The following PDE3B variants were observed in gnomAD, a reference collection of about 807,000 sequenced individuals.
PDE3B encodes phosphodiesterase 3B, also known as cGMP-inhibited 3',5'-cyclic phosphodiesterase 3B.
A neutral mutation model predicts 116.8 loss-of-function variants in PDE3B; 66 were observed. That is an observed-to-expected ratio of 0.56 (90% CI 0.46 to 0.69). The LOEUF (loss-of-function observed/expected upper bound fraction) is 0.69, where lower values mean the gene tolerates loss of function less well. PDE3B is among the 30% of genes least tolerant of loss of function. PDE3B has a pLI of 0.00. For missense variants in PDE3B, 1,384 were observed against 1,368.1 expected (o/e 1.01, Z -0.18); for synonymous variants, 595 against 533.6 (o/e 1.12, Z -1.59).
chr11:14,681,876 C>A (rs760956021), intron 1 of PDE3B, among the ~76,000 whole-genome samples: 2 of 152,052 alleles, frequency 1.3e-5, no homozygotes, highest in Non-Finnish European at 2.9e-5. Flanking sequence ...GGTGCTGACC[C>A]CTGAAGCAGT....
chr11:14,666,093 C>T (rs1010487530), intron 1 of PDE3B, among the ~76,000 whole-genome samples: 7 of 151,288 alleles, frequency 4.6e-5, no homozygotes, highest in African/African-American at 1.7e-4. Flanking sequence ...AGATATAGAT[C>T]AATGGAACAG....
intron 2 of PDE3B, chr11:14,775,388 T>C (rs369172778): frequency 6.6e-6 from 1 of 152,356 alleles, no homozygotes; most frequent in African/African-American, 2.4e-5. Context: ...CATTTTTGTT[T>C]TGTTTTATTG....
chr11:14,735,904 C>T (rs536532295), intron 1 of PDE3B, among the ~76,000 whole-genome samples: 21 of 151,458 alleles, frequency 1.4e-4, no homozygotes, highest in Admixed American at 7.9e-4. Flanking sequence ...GAAGAGAACA[C>T]GGAAGCATAT....
intron 1 of PDE3B, among the ~76,000 whole-genome samples, chr11:14,729,799 T>A (rs1856406392): frequency 1.3e-5 from 2 of 152,186 alleles, no homozygotes; most frequent in Admixed American, 1.3e-4. Flanking sequence ...GTTCAAATAC[T>A]TTGTAATAAA....
At chr11:14,858,179 G>A (rs868922601) in intron 12 of PDE3B, among the ~76,000 whole-genome samples, 3 of 152,146 alleles carry the variant, frequency 2.0e-5, no homozygotes, top group Middle Eastern at 3.4e-3. Context: ...ATCTCATTCC[G>A]TCCTTCTTTC....
At chr11:14,702,927 T>G (rs1261361362) in intron 1 of PDE3B, among the ~76,000 whole-genome samples, 2 of 151,894 alleles carry the variant, frequency 1.3e-5, no homozygotes, top group African/African-American at 4.8e-5. Context: ...ACTTATGGCC[T>G]GCGCCACACA....
intron 1 of PDE3B, among the ~76,000 whole-genome samples, chr11:14,665,584 G>C (rs112514233): frequency 0.065 from 9,919 of 152,148 alleles, 444 homozygotes; most frequent in African/African-American, 0.13. Context: ...AGGATACAAA[G>C]TCAATGTACA....
chr11:14,714,704 T>G (rs1855825188), intron 1 of PDE3B, among the ~76,000 whole-genome samples: 1 of 152,220 alleles, frequency 6.6e-6, no homozygotes, highest in Non-Finnish European at 1.5e-5. Flanking sequence ...TCCAGTGTGG[T>G]ATCCACCAGC....
intron 2 of PDE3B, chr11:14,774,640 A>G (rs1183071932): frequency 6.6e-6 from 1 of 152,240 alleles, no homozygotes; most frequent in Non-Finnish European, 1.5e-5. Context: ...TTTCTGTTCA[A>G]CAATCAAGAT....
intron 10 of PDE3B, among the ~76,000 whole-genome samples, chr11:14,833,965 A>G (rs1193602798): frequency 6.6e-6 from 1 of 152,178 alleles, no homozygotes; most frequent in Non-Finnish European, 1.5e-5. Context: ...TAGTTAAGAA[A>G]ATAGTCTCTG....
At chr11:14,791,913 C>T in intron 4 of PDE3B, among the ~76,000 whole-genome samples, 1 of 152,080 alleles carries the variant, frequency 6.6e-6, no homozygotes. Context: ...ATACCTAAGG[C>T]AATGTAAATG....
chr11:14,734,149 G>A (rs1480818605), intron 1 of PDE3B, among the ~76,000 whole-genome samples: 1 of 152,174 alleles, frequency 6.6e-6, no homozygotes, highest in African/African-American at 2.4e-5. Flanking sequence ...ACAGCTCACT[G>A]TAGCTTTGGC....
In PDE3B at chr11:14,738,683, A is replaced by T. The variant is rs944117806; in HGVS notation, c.979-33254A>T. On this transcript the variant is annotated intron_variant, in intron 1 of 15. Coordinates refer to ENST00000282096, the MANE Select transcript of PDE3B (RefSeq NM_000922.4). Reference sequence around the variant, plus strand: ...AGTCATGAAGTCTTTGCCCATGCCTATGTCCTGAATGGTATTGCCTAGGTT... The same window carrying T: ...AGTCATGAAGTCTTTGCCCATGCCTTTGTCCTGAATGGTATTGCCTAGGTT... 2.0e-5 allele frequency among the ~76,000 whole-genome samples: 3 copies of T among 152,210 alleles called. No homozygotes were observed. In the South Asian group the frequency reaches 6.2e-4, roughly 32 times the overall value.
chr11:14,826,070 A>C (rs1859677454), intron 7 of PDE3B, among the ~76,000 whole-genome samples: 1 of 152,198 alleles, frequency 6.6e-6, no homozygotes. Context: ...TTTTAATACG[A>C]ATGAGAACAA....
the PDE3B span, among the ~76,000 whole-genome samples, chr11:14,877,061 C>G: frequency 6.6e-6 from 1 of 152,112 alleles, no homozygotes; most frequent in Non-Finnish European, 1.5e-5. Context: ...GAGGCTGCAA[C>G]TATTCATGAG....
At position 14,667,449 on chromosome 11, in the gene PDE3B, T is replaced by A. The variant is rs147016094; in HGVS notation, c.978+22396T>A. Among the ~76,000 whole-genome samples, 603 of 147,100 alleles carry A rather than the reference T, an allele frequency of 4.1e-3. 5 individuals are homozygous for A. Among genetic ancestry groups the A allele is most frequent in the Non-Finnish European group, 7.1e-3 (474 of 66,628 alleles). On this transcript the variant is annotated intron_variant, in intron 1 of 15. Coordinates refer to ENST00000282096, the MANE Select transcript of PDE3B (RefSeq NM_000922.4). ...TAAAGTATAATAATAATAATAAAATTAAATTAAATTAAAAAAAAGAAAATG... is the reference window on the plus strand; with the variant it reads ...TAAAGTATAATAATAATAATAAAATAAAATTAAATTAAAAAAAAGAAAATG...
intron 11 of PDE3B, among the ~76,000 whole-genome samples, chr11:14,839,364 TGCAGAAATCAGTGCTACTA>T (rs1165149648): frequency 1.3e-5 from 2 of 152,226 alleles, no homozygotes; most frequent in African/African-American, 4.8e-5. Context: ...CTAGATGAGT[TGCAGAAATCAGTGCTACTA>T]GCAAATACTT....
chr11:14,651,134 G>A (rs1156375148), intron 1 of PDE3B, among the ~76,000 whole-genome samples: 1 of 152,164 alleles, frequency 6.6e-6, no homozygotes. Context: ...TTTGAAGGCT[G>A]TGAGGGAGAA....
chr11:14,666,914 C>A (rs1300843159), intron 1 of PDE3B, among the ~76,000 whole-genome samples: 3 of 152,062 alleles, frequency 2.0e-5, no homozygotes, highest in African/African-American at 7.2e-5. Flanking sequence ...TACCATTTGA[C>A]CCAGCCATCC....
Sources: gnomAD v4.1 joint callset for allele counts (sites outside exome capture counted in the v4.1 genomes callset) on GRCh38, gnomAD v4.1.1 for gene constraint, MANE v1.5 for transcripts, NCBI Gene and HGNC (gene_info 2026-07-23, HGNC 2026-07-21) for gene names.